SSBP1: variants seen among roughly 807,000 people sequenced by gnomAD.
SSBP1 encodes single stranded DNA binding protein 1, also known as single-stranded DNA-binding protein, mitochondrial.
Under a neutral mutation model 27.0 loss-of-function variants are expected in SSBP1, and 20 were observed. The observed-to-expected ratio is 0.74, with a 90% CI of 0.52 to 1.08. The LOEUF is 1.08. SSBP1 is among the 50% of genes least tolerant of loss of function. The pLI is 0.00. For synonymous variants in SSBP1, 59 were observed against 59.3 expected (o/e 1.00, Z 0.02); for missense variants, 137 against 182.4 (o/e 0.75, Z 1.44).
intron 6 of SSBP1, among the ~76,000 whole-genome samples, chr7:141,749,553 G>A (rs982756418): frequency 2.0e-5 from 3 of 152,176 alleles, no homozygotes; most frequent in African/African-American, 4.8e-5. Flanking sequence ...AGGCCAAGGC[G>A]GGCAGATCAC....
chr7:141,741,637 A>G (rs775347044), intron 2 of SSBP1: 8 of 251,544 alleles, frequency 3.2e-5, no homozygotes, highest in Non-Finnish European at 5.0e-5. Flanking sequence ...TCTAAAGTCT[A>G]CTGTAACCAA....
chr7:141,743,035 A>C (rs1488120787), intron 3 of SSBP1, among the ~76,000 whole-genome samples: 1 of 152,022 alleles, frequency 6.6e-6, no homozygotes, highest in African/African-American at 2.4e-5. Context: ...TTTGTATTTT[A>C]GTAGAGATGG....
chr7:141,746,137 C>G (rs1201171797), intron 6 of SSBP1: 1 of 239,036 alleles, frequency 4.2e-6, no homozygotes, highest in Non-Finnish European at 6.7e-6. Context: ...TCTCCTGCCT[C>G]AGCCTCCTGA....
intron 4 of SSBP1, 94 bp downstream of exon 4, chr7:141,743,795 A>C (rs1799662705): frequency 6.5e-7 from 1 of 1,538,460 alleles, no homozygotes; most frequent in Non-Finnish European, 8.8e-7. Flanking sequence ...CACTTTAAAC[A>C]AGATCTGTCT....
At chr7:141,743,821 C>T in intron 4 of SSBP1, 81 bp from the exon 5 acceptor site, 1 of 1,547,718 alleles carries the variant, frequency 6.5e-7, no homozygotes, top group Non-Finnish European at 8.8e-7. Flanking sequence ...TCTGTTTGTT[C>T]TCTTAGAAAT....
At chr7:141,744,053 C>T in intron 5 of SSBP1, 64 bp downstream of exon 5, 1 of 1,437,480 alleles carries the variant, frequency 7.0e-7, no homozygotes, top group Admixed American at 1.9e-5. Context: ...GAAGTGTTCT[C>T]ATGGCAAGGA....
Position 141,750,383 on chromosome 7 carries a change from T to C in SSBP1, c.*29T>C, listed in dbSNP as rs574754561. ...GGATGATTCTTCTTTGGCCATCATT[T>C]GGTACAGTCTCATTTCCAAGTCATG... On this transcript the variant is annotated 3_prime_UTR_variant, in exon 7 of 7. Coordinates refer to ENST00000265304, the MANE Select transcript of SSBP1 (RefSeq NM_003143.3). 1.9e-6 allele frequency: 3 copies of C among 1,559,876 alleles called. No individual in the cohort carries two copies. The highest frequency in any genetic ancestry group is 1.7e-6 in the Non-Finnish European group (2 of 1,153,478).
intron 6 of SSBP1, chr7:141,745,843 C>T: frequency 8.5e-7 from 1 of 1,181,910 alleles, no homozygotes; most frequent in South Asian, 3.1e-5. Flanking sequence ...ATTATCCATC[C>T]CAGTACTTAT....
chr7:141,745,302 C>T (rs1345557473), intron 5 of SSBP1, among the ~76,000 whole-genome samples, 194 bp from the exon 6 acceptor site: 1 of 152,128 alleles, frequency 6.6e-6, no homozygotes, highest in East Asian at 1.9e-4. Flanking sequence ...GTCTGTTTTA[C>T]CTAGATGTTA....
At chr7:141,743,863 G>T (rs186344144) in intron 4 of SSBP1, 39 bp from the exon 5 acceptor site, 589 of 1,589,442 alleles carry the variant, frequency 3.7e-4, no homozygotes, top group Non-Finnish European at 2.2e-4. Flanking sequence ...CATGTTGTCT[G>T]TTGGCATTTG....
intron 6 of SSBP1, among the ~76,000 whole-genome samples, chr7:141,747,105 T>C (rs866575813): frequency 6.6e-6 from 1 of 151,058 alleles, no homozygotes; most frequent in East Asian, 1.9e-4. Flanking sequence ...TTCTTCTCAA[T>C]TGACTTATCA....
chr7:141,739,702 G>C (rs975900180), intron 2 of SSBP1: 1 of 152,102 alleles, frequency 6.6e-6, no homozygotes, highest in African/African-American at 2.4e-5. Flanking sequence ...AGCCCACCTT[G>C]AGCCAGCTTA....
intron 6 of SSBP1, 78 bp downstream of exon 6, chr7:141,745,662 CTA>C (rs1563029021): frequency 3.8e-6 from 6 of 1,581,274 alleles, no homozygotes; most frequent in Non-Finnish European, 3.4e-6. Flanking sequence ...CTGTAACTAA[CTA>C]GGGTTAAGAG....
intron 6 of SSBP1, 157 bp downstream of exon 6, chr7:141,745,741 A>G: frequency 1.5e-6 from 2 of 1,372,586 alleles, no homozygotes; most frequent in Non-Finnish European, 1.9e-6. Flanking sequence ...TCTACTTGCT[A>G]AGAGTTTGTA....
At chr7:141,747,547 G>A (rs559071846) in intron 6 of SSBP1, among the ~76,000 whole-genome samples, 12 of 151,302 alleles carry the variant, frequency 7.9e-5, no homozygotes, top group South Asian at 4.2e-4. Flanking sequence ...GCGCCACCAC[G>A]CCCAGCTAAT....
chr7:141,738,455 G>C (rs1473867829), intron 1 of SSBP1, 45 bp downstream of exon 1: 3 of 152,970 alleles, frequency 2.0e-5, no homozygotes, highest in Admixed American at 1.3e-4. Flanking sequence ...TGCTGGAGTC[G>C]TGTGTTTTGG....
chr7:141,744,107 T>A, intron 5 of SSBP1, 118 bp downstream of exon 5: 1 of 832,364 alleles, frequency 1.2e-6, no homozygotes. Flanking sequence ...ATGACTGTAT[T>A]AATTTAAGAG....
At chr7:141,743,818 G>T in intron 4 of SSBP1, 84 bp from the exon 5 acceptor site, 2 of 1,546,150 alleles carry the variant, frequency 1.3e-6, no homozygotes, top group Admixed American at 3.7e-5. Flanking sequence ...CATTCTGTTT[G>T]TTCTCTTAGA....
In SSBP1 at chr7:141,745,569, A is replaced by G. The variant is rs768860596; in HGVS notation, c.388A>G (p.Thr130Ala). 3 of 1,613,304 alleles carry G rather than the reference A, an allele frequency of 1.9e-6. No individual in the cohort carries two copies. Among genetic ancestry groups the G allele is most frequent in the African/African-American group, 1.3e-5 (1 of 75,024 alleles). Residue 130 changes from threonine to alanine, a missense_variant, in exon 6 of 7, where the codon ACA (threonine) becomes GCA (alanine). Physicochemically the swap from Thr to Ala is moderately conservative, Grantham distance 58 (BLOSUM62 0). Coordinates refer to ENST00000265304, the MANE Select transcript of SSBP1 (RefSeq NM_003143.3). ...MDKNNVRRQATTIIADNIIFL... is the reference protein window; with the variant it reads ...MDKNNVRRQAATIIADNIIFL... ...TAAAAATAATGTGAGGCGACAAGCA[A>G]CAACAATCATAGCTGGTAAGAAGCT...
Sources: allele counts gnomAD v4.1 joint callset (sites outside exome capture counted in the v4.1 genomes callset), GRCh38; gene constraint gnomAD v4.1.1; transcripts MANE v1.5; gene names NCBI Gene and HGNC (gene_info 2026-07-23, HGNC 2026-07-21).